PDE2A: variants seen among roughly 807,000 people sequenced by gnomAD.
PDE2A encodes the protein phosphodiesterase 2A.
PDE2A carries 53 observed loss-of-function variants against 133.6 expected under a neutral mutation model. The observed-to-expected ratio is 0.40, with a 90% CI of 0.32 to 0.50. The LOEUF is 0.50. PDE2A is among the 20% of genes least tolerant of loss of function. PDE2A has a pLI of 0.73. For missense variants in PDE2A, 796 were observed against 1,232.4 expected (o/e 0.65, Z 5.30); for synonymous variants, 491 against 490.2 (o/e 1.00, Z -0.02).
At chr11:72,643,138 G>T (rs998267525) in intron 1 of PDE2A, 2 of 152,310 alleles carry the variant, frequency 1.3e-5, no homozygotes, top group African/African-American at 4.8e-5. Flanking sequence ...CTCCGGGAGC[G>T]CGTTTCTCCG....
At chr11:72,663,273 TG>T (rs1855126558) in intron 1 of PDE2A, among the ~76,000 whole-genome samples, 1 of 152,098 alleles carries the variant, frequency 6.6e-6, no homozygotes, top group South Asian at 2.1e-4. Flanking sequence ...ACAGGTGGCT[TG>T]GGGGGCTCCA....
intron 16 of PDE2A, 69 bp downstream of exon 16, chr11:72,585,302 A>T: frequency 7.7e-7 from 1 of 1,293,486 alleles, no homozygotes; most frequent in Non-Finnish European, 1.1e-6. Context: ...TGGGTGGGGC[A>T]GGAAAGGAGA....
intron 1 of PDE2A, among the ~76,000 whole-genome samples, chr11:72,666,348 G>A (rs552118484): frequency 2.8e-4 from 42 of 152,246 alleles, no homozygotes; most frequent in East Asian, 1.7e-3. Context: ...CAAGAGGACC[G>A]TGCTGGGAGT....
intron 2 of PDE2A, among the ~76,000 whole-genome samples, chr11:72,632,879 TA>T (rs1338058728): frequency 6.9e-6 from 1 of 144,624 alleles, no homozygotes; most frequent in African/African-American, 2.6e-5. Flanking sequence ...CAACCCCACC[TA>T]ACTTCTGGTT....
At chr11:72,671,619 C>T (rs960075728) in intron 1 of PDE2A, among the ~76,000 whole-genome samples, 2 of 151,990 alleles carry the variant, frequency 1.3e-5, no homozygotes, top group African/African-American at 2.4e-5. Context: ...GGAATGACTG[C>T]GGGGGGTGGG....
chr11:72,645,032 G>T (rs1461011391), intron 1 of PDE2A, among the ~76,000 whole-genome samples: 1 of 152,192 alleles, frequency 6.6e-6, no homozygotes, highest in Non-Finnish European at 1.5e-5. Context: ...TGGGATTACA[G>T]GTGTGAGCCA....
chr11:72,659,869 C>T (rs1222893420), intron 1 of PDE2A, among the ~76,000 whole-genome samples: 1 of 152,216 alleles, frequency 6.6e-6, no homozygotes, highest in Non-Finnish European at 1.5e-5. Flanking sequence ...CCAACCCTCA[C>T]ATCCAAGGCT....
At position 72,585,153 on chromosome 11, in the gene PDE2A, C is replaced by A. The variant is rs1217701780; in HGVS notation, c.1287-209G>T. 3 of 637,060 alleles carry A rather than the reference C, an allele frequency of 4.7e-6. No homozygotes were observed. In the Admixed American group the frequency reaches 8.1e-5, roughly 17 times the overall value. 39.5% of individuals were successfully genotyped at this position (637,060 alleles called of 1,614,324 possible). A position where few individuals can be genotyped will look rare whatever the true frequency, so the allele number is the denominator to read the frequency against. ...TTGGAAGCACCTACTATGTGCCAGG[C>A]ACTGTGATAGGAGCTGAGGATCCAA... On this transcript the variant is annotated intron_variant, in intron 16 of 30. Transcript: ENST00000334456.
At chr11:72,652,022 G>C (rs781282979) in intron 1 of PDE2A, among the ~76,000 whole-genome samples, 3 of 152,362 alleles carry the variant, frequency 2.0e-5, no homozygotes, top group East Asian at 3.9e-4. Context: ...CCAGGATTCA[G>C]GCTGTGTGGC....
intron 16 of PDE2A, 23 bp from the exon 17 acceptor site, chr11:72,584,967 C>T: frequency 6.2e-7 from 1 of 1,611,916 alleles, no homozygotes; most frequent in Admixed American, 1.7e-5. Flanking sequence ...GGGTTTGGTC[C>T]TCTGGGGCCT....
chr11:72,587,044 C>T (rs906278780), intron 13 of PDE2A, among the ~76,000 whole-genome samples: 1 of 152,200 alleles, frequency 6.6e-6, no homozygotes, highest in African/African-American at 2.4e-5. Context: ...ACACAAAGAT[C>T]CTCATCATTC....
At chr11:72,579,170 AG>A in intron 27 of PDE2A, 113 bp downstream of exon 27, 1 of 968,866 alleles carries the variant, frequency 1.0e-6, no homozygotes, top group Non-Finnish European at 1.7e-6. Flanking sequence ...CCGTGCAGCC[AG>A]AGAAGGGTTG....
chr11:72,665,594 C>A (rs1293077590), intron 1 of PDE2A, among the ~76,000 whole-genome samples: 2 of 152,158 alleles, frequency 1.3e-5, no homozygotes, highest in African/African-American at 4.8e-5. Flanking sequence ...CTTCTCTGGC[C>A]CCCCATGGCA....
In PDE2A at chr11:72,576,389, A is replaced by T. The variant is rs1201395960; in HGVS notation, c.*995T>A. On this transcript the variant is annotated 3_prime_UTR_variant, in exon 31 of 31. Coordinates refer to ENST00000334456, the MANE Select transcript of PDE2A (RefSeq NM_002599.5). The stretch of plus-strand genomic sequence containing the variant: ...CTCCCAAGCCCCAGGGCACAGGTGG[A>T]TATGGCCTTGAAGAGAGAGCCCTGC... The T allele has an allele frequency of 1.3e-5, 2 of 152,006 alleles. No individual in the cohort carries two copies. Among genetic ancestry groups the T allele is most frequent in the Non-Finnish European group, 2.9e-5 (2 of 68,070 alleles). The allele number at this position is 152,006 out of a possible 1,614,324, so 9.4% of individuals were successfully genotyped here.
At chr11:72,644,064 A>G (rs887849691) in intron 1 of PDE2A, among the ~76,000 whole-genome samples, 8 of 152,046 alleles carry the variant, frequency 5.3e-5, no homozygotes, top group Non-Finnish European at 8.8e-5. Context: ...TCTCACCTCC[A>G]GGCCTTTGCC....
intron 1 of PDE2A, among the ~76,000 whole-genome samples, chr11:72,664,794 C>T (rs972442621): frequency 5.3e-5 from 8 of 152,040 alleles, no homozygotes; most frequent in Admixed American, 5.2e-4. Context: ...GATCCCCCCT[C>T]ACTGAGAGGT....
At chr11:72,650,060 GC>G (rs1452022908) in intron 1 of PDE2A, among the ~76,000 whole-genome samples, 2 of 144,224 alleles carry the variant, frequency 1.4e-5, no homozygotes, top group African/African-American at 5.2e-5. Flanking sequence ...TTGCTCTGTC[GC>G]CCAGGGCTGG....
Position 72,650,926 on chromosome 11 carries a change from C to T in PDE2A, c.72-8600G>A, listed in dbSNP as rs865921349. 4.7e-5 allele frequency among the ~76,000 whole-genome samples: 6 copies of T among 128,970 alleles called. No individual in the cohort carries two copies. In the Middle Eastern group the frequency reaches 0.011, roughly 244 times the overall value. 84.6% of individuals were successfully genotyped at this position (128,970 alleles called of 152,430 possible). ...ACACACACACACACACACACACACACATACACAAAGGCTACTAAGAGCTGA... is the reference window on the plus strand; with the variant it reads ...ACACACACACACACACACACACACATATACACAAAGGCTACTAAGAGCTGA... On this transcript the variant is annotated intron_variant, in intron 1 of 30. Coordinates refer to ENST00000334456, the MANE Select transcript of PDE2A (RefSeq NM_002599.5).
At chr11:72,650,022 T>G (rs867470559) in intron 1 of PDE2A, among the ~76,000 whole-genome samples, 1 of 145,128 alleles carries the variant, frequency 6.9e-6, no homozygotes, top group African/African-American at 2.6e-5. Context: ...CCTGAGACTT[T>G]TTTTTTTTTT....
Sources: allele counts gnomAD v4.1 joint callset (sites outside exome capture counted in the v4.1 genomes callset), GRCh38; gene constraint gnomAD v4.1.1; transcripts MANE v1.5; gene names NCBI Gene and HGNC (gene_info 2026-07-23, HGNC 2026-07-21).